The following NCKAP5 variants were observed in gnomAD, a reference collection of about 807,000 sequenced individuals.
NCKAP5 encodes the protein NCK associated protein 5, also known as nck-associated protein 5.
NCKAP5 carries 92 observed loss-of-function variants against 167.0 expected under a neutral mutation model. The ratio of observed to expected loss-of-function variants is 0.55; its 90% CI spans 0.47 to 0.66. NCKAP5 has a LOEUF of 0.66. NCKAP5 is among the 30% of genes least tolerant of loss of function. NCKAP5 has a pLI of 0.00. For missense variants in NCKAP5, 2,378 were observed against 2,315.0 expected (o/e 1.03, Z -0.56); for synonymous variants, 891 against 877.4 (o/e 1.02, Z -0.27).
At chr2:132,827,230 G>C (rs1259158761) in intron 11 of NCKAP5, among the ~76,000 whole-genome samples, 2 of 152,098 alleles carry the variant, frequency 1.3e-5, no homozygotes, top group Non-Finnish European at 2.9e-5. Flanking sequence ...ATTTAAAAAA[G>C]AGCATTATTT....
chr2:133,578,762 AG>A, the NCKAP5 span, among the ~76,000 whole-genome samples: 1 of 152,208 alleles, frequency 6.6e-6, no homozygotes. Context: ...GTCTCATTTC[AG>A]TGTCTGCTTC....
At chr2:133,182,327 T>C (rs1043900155) in intron 5 of NCKAP5, among the ~76,000 whole-genome samples, 1 of 152,176 alleles carries the variant, frequency 6.6e-6, no homozygotes, top group Non-Finnish European at 1.5e-5. Context: ...AGAAATTCAA[T>C]GCACATCTTT....
At chr2:133,597,673 C>CAAAAAAAAAAAAAAAAAAAAAAAAAAAAA in the NCKAP5 span, among the ~76,000 whole-genome samples, 2 of 61,122 alleles carry the variant, frequency 3.3e-5, no homozygotes, top group African/African-American at 1.3e-4. Context: ...GACTCTGTCT[C>CAAAAAAAAAAAAAAAAAAAAAAAAAAAAA]AAAAAAAAAA....
chr2:133,217,679 C>A (rs1332334862), intron 4 of NCKAP5, among the ~76,000 whole-genome samples: 1 of 152,052 alleles, frequency 6.6e-6, no homozygotes, highest in African/African-American at 2.4e-5. Flanking sequence ...CTCTTTAACA[C>A]TACTAAGGCC....
chr2:133,199,183 TG>T (rs1196581901), intron 5 of NCKAP5, among the ~76,000 whole-genome samples: 2 of 152,022 alleles, frequency 1.3e-5, no homozygotes, highest in East Asian at 1.9e-4. Context: ...CAATATTTTT[TG>T]TAAACATAGG....
intron 4 of NCKAP5, among the ~76,000 whole-genome samples, chr2:133,263,539 T>C (rs1246070810): frequency 6.6e-6 from 1 of 152,068 alleles, no homozygotes; most frequent in Non-Finnish European, 1.5e-5. Flanking sequence ...ATCAGCATGA[T>C]ATCTGAAATG....
At chr2:133,305,338 T>C (rs1680703280) in intron 3 of NCKAP5, among the ~76,000 whole-genome samples, 1 of 152,186 alleles carries the variant, frequency 6.6e-6, no homozygotes, top group South Asian at 2.1e-4. Context: ...CATTATTAAA[T>C]CTCTCTAAGC....
At chr2:132,961,030 T>G (rs995708848) in intron 8 of NCKAP5, among the ~76,000 whole-genome samples, 10 of 152,158 alleles carry the variant, frequency 6.6e-5, no homozygotes, top group Non-Finnish European at 1.5e-5. Context: ...AAAATCTTGT[T>G]GTATATCAAA....
chr2:132,825,577 A>G (rs1687070219), intron 11 of NCKAP5, among the ~76,000 whole-genome samples: 1 of 152,238 alleles, frequency 6.6e-6, no homozygotes. Context: ...ACCAATATCA[A>G]GCCATTTTAA....
intron 8 of NCKAP5, among the ~76,000 whole-genome samples, chr2:132,882,476 C>T (rs1165522120): frequency 6.6e-6 from 1 of 152,166 alleles, no homozygotes; most frequent in African/African-American, 2.4e-5. Flanking sequence ...TATTTTAACT[C>T]CTTTGTTCAA....
chr2:133,556,981 GTCT>G (rs1417847892), intron 2 of NCKAP5: 1 of 152,166 alleles, frequency 6.6e-6, no homozygotes, highest in East Asian at 1.9e-4. Context: ...TGAGAAAGAA[GTCT>G]TCTTATTCCT....
chr2:133,448,669 G>T (rs754547819), intron 3 of NCKAP5, among the ~76,000 whole-genome samples: 1 of 152,016 alleles, frequency 6.6e-6, no homozygotes, highest in Non-Finnish European at 1.5e-5. Context: ...TTAAAACAGG[G>T]TCTCACTGTT....
chr2:133,192,413 T>C (rs754533156), intron 5 of NCKAP5, among the ~76,000 whole-genome samples: 14 of 152,036 alleles, frequency 9.2e-5, no homozygotes, highest in Non-Finnish European at 1.9e-4. Context: ...CTGGGCATCA[T>C]CGAAATGAAA....
At chr2:133,009,795 C>A (rs9646691) in intron 6 of NCKAP5, among the ~76,000 whole-genome samples, 30,557 of 151,688 alleles carry the variant, frequency 0.2, 3,439 homozygotes, top group South Asian at 0.39. Context: ...CTGGGCCGGG[C>A]GCAGTGGCTC....
At chr2:133,385,351 T>A (rs566400897) in intron 3 of NCKAP5, among the ~76,000 whole-genome samples, 55 of 152,238 alleles carry the variant, frequency 3.6e-4, no homozygotes, top group Admixed American at 6.5e-4. Flanking sequence ...GATTATGTTT[T>A]TTGATTTGCA....
intron 3 of NCKAP5, among the ~76,000 whole-genome samples, chr2:133,360,759 G>A (rs1685044929): frequency 6.6e-6 from 1 of 151,942 alleles, no homozygotes; most frequent in South Asian, 2.1e-4. Context: ...GGAGCTTCTG[G>A]AAACAATGAA....
intron 3 of NCKAP5, among the ~76,000 whole-genome samples, chr2:133,383,901 T>A (rs1194685342): frequency 1.3e-5 from 2 of 152,254 alleles, no homozygotes; most frequent in Non-Finnish European, 2.9e-5. Context: ...CGCCCACTTT[T>A]TGATGGGGTT....
Position 133,513,695 on chromosome 2 carries a change from A to G in NCKAP5, c.69+3763T>C, listed in dbSNP as rs539998533. ...TCCTTTTTTTCCTCTACAAGCTTATAAAACTATACTGCTGTCGGAACTGAG... is the reference window on the plus strand; with the variant it reads ...TCCTTTTTTTCCTCTACAAGCTTATGAAACTATACTGCTGTCGGAACTGAG... On this transcript the variant is annotated intron_variant, in intron 3 of 19. Transcript: ENST00000409261. Among the ~76,000 whole-genome samples the G allele has an allele frequency of 8.6e-4, 131 of 152,320 alleles. 1 individual carries two copies. Among genetic ancestry groups the G allele is most frequent in the African/African-American group, 3.0e-3 (123 of 41,576 alleles).
At chr2:133,139,116 G>A (rs1239463399) in intron 5 of NCKAP5, among the ~76,000 whole-genome samples, 9 of 152,210 alleles carry the variant, frequency 5.9e-5, no homozygotes, top group Middle Eastern at 3.4e-3. Flanking sequence ...CACATACCCC[G>A]AGGGCCTGTA....
Sources: allele counts gnomAD v4.1 joint callset (sites outside exome capture counted in the v4.1 genomes callset), GRCh38; gene constraint gnomAD v4.1.1; transcripts MANE v1.5; gene names NCBI Gene and HGNC (gene_info 2026-07-23, HGNC 2026-07-21).